Variants in AMN observed in about 807,000 individuals in gnomAD.
The protein encoded by AMN is protein amnionless.
A neutral mutation model predicts 49.1 loss-of-function variants in AMN; 40 were observed. The ratio of observed to expected loss-of-function variants is 0.81; its 90% CI spans 0.63 to 1.06. The LOEUF (loss-of-function observed/expected upper bound fraction) is 1.06, where lower values mean the gene tolerates loss of function less well. Ranked by LOEUF, AMN falls within the 50% of genes least tolerant of loss-of-function variation. The probability of loss-of-function intolerance (pLI) is 0.00; values close to 1 mark genes in which losing one functional copy is unlikely to be tolerated. For missense variants in AMN, 701 were observed against 662.8 expected (o/e 1.06, Z -0.63); for synonymous variants, 380 against 313.3 (o/e 1.21, Z -2.25).
In AMN at chr14:102,928,619, G is replaced by A. The variant is rs1203946641; in HGVS notation, c.295+106G>A. The A allele has an allele frequency of 1.3e-5, 20 of 1,493,206 alleles. No homozygotes were observed. In the Middle Eastern group the frequency reaches 7.3e-4, roughly 55 times the overall value. The allele number at this position is 1,493,206 out of a possible 1,614,324, so 92.5% of individuals were successfully genotyped here. A position where few individuals can be genotyped will look rare whatever the true frequency, so the allele number is the denominator to read the frequency against. On this transcript the variant is annotated intron_variant, in intron 4 of 11. Transcript: ENST00000299155. Reference sequence around the variant, plus strand: ...CGAGGACCGGAGGGAGGGCGCCTCCGGGGGCGTGGTTTAGGGAGTGGCGGA... The same window carrying A: ...CGAGGACCGGAGGGAGGGCGCCTCCAGGGGCGTGGTTTAGGGAGTGGCGGA...
Position 102,928,611 on chromosome 14 carries a change from G to A in AMN, c.295+98G>A, listed in dbSNP as rs1039576265. ...GAGGGGGGCGAGGACCGGAGGGAGG[G>A]CGCCTCCGGGGGCGTGGTTTAGGGA... On this transcript the variant is annotated intron_variant, in intron 4 of 11. Coordinates refer to ENST00000299155, the MANE Select transcript of AMN (RefSeq NM_030943.4). 1.5e-4 allele frequency: 229 copies of A among 1,490,698 alleles called. No homozygotes were observed. The African/African-American group carries it at 3.0e-3, about 20-fold the overall frequency. The allele number at this position is 1,490,698 out of a possible 1,614,324, so 92.3% of individuals were successfully genotyped here.
chr14:102,929,033 C>T (rs1566828158), intron 5 of AMN, 58 bp downstream of exon 5: 1 of 1,594,932 alleles, frequency 6.3e-7, no homozygotes, highest in Non-Finnish European at 8.5e-7. Flanking sequence ...CCCGACCCCG[C>T]CCCTCCTGGT....
rs780432490 is a variant in AMN at position 102,930,671 on chromosome 14, C to G, written c.1353C>G (p.Ala451=). ...ACCCTCTGTTCGCCGGGGCCGAGGC[C>G]GAGGCCTGAGCGGCCGCCTGACCGT... ...FVNPLFAGAE[A]EA The change falls in exon 12 of 12, where the codon GCC becomes GCG. Residue 451 remains alanine, a synonymous_variant. Transcript: ENST00000299155. 1 of 1,589,184 alleles carries G rather than the reference C, an allele frequency of 6.3e-7. No individual in the cohort carries two copies. The highest frequency in any genetic ancestry group is 1.3e-5 in the African/African-American group (1 of 74,376).
chr14:102,930,127 C>A, intron 9 of AMN, 38 bp from the exon 10 acceptor site: 2 of 1,501,932 alleles, frequency 1.3e-6, no homozygotes, highest in East Asian at 2.6e-5. Flanking sequence ...GCGCCTCGCC[C>A]CGCCGCGGGG....
Position 102,928,474 on chromosome 14 carries a change from G to T in AMN, c.256G>T (p.Gly86Cys). The T allele has an allele frequency of 6.2e-7, 1 of 1,609,808 alleles. No homozygotes were observed. Among genetic ancestry groups the T allele is most frequent in the African/African-American group, 1.3e-5 (1 of 75,008 alleles). Residue 86 changes from glycine (G) to cysteine (C), a missense_variant, in exon 4 of 12, where the codon GGC becomes TGC. Gly to Cys is a radical substitution (Grantham distance 159). Transcript: ENST00000299155. ...ELVLASGAGFGVSDVGSHLDC... is the reference protein window; with the variant it reads ...ELVLASGAGFCVSDVGSHLDC... ...CGTCCTGGCTTCAGGAGCCGGATTC[G>T]GCGTCTCAGACGTGGGCTCGCACCT...
chr14:102,930,262 C>T lies in AMN; in HGVS notation c.1104C>T (p.Ala368=). ...GGCTGGCGGGCGGCGTGGCGGCTGC[C>T]GTGCTGCTGGCGCTGCTGGTCCTGC... The part of the protein sequence containing the change: ...AAGLAGGVAA[A]VLLALLVLLV... Residue 368 remains alanine (A), a synonymous_variant, in exon 10 of 12, where the codon GCC becomes GCT. Transcript: ENST00000299155. The T allele has an allele frequency of 1.4e-6, 2 of 1,381,358 alleles. No homozygotes were observed. Among genetic ancestry groups the T allele is most frequent in the East Asian group, 3.2e-5 (1 of 31,680 alleles). 85.6% of individuals were successfully genotyped at this position (1,381,358 alleles called of 1,614,324 possible).
intron 9 of AMN, 21 bp downstream of exon 9, chr14:102,930,107 C>CCGCCCCGCCGCGCCT: frequency 5.3e-6 from 8 of 1,512,936 alleles, no homozygotes; most frequent in Middle Eastern, 2.3e-4. Context: ...CCGCCCCATC[C>CCGCCCCGCCGCGCCT]CGCCCCGCCG....
At chr14:102,926,170 G>A (rs765476082) in intron 3 of AMN, among the ~76,000 whole-genome samples, 14 of 152,164 alleles carry the variant, frequency 9.2e-5, no homozygotes, top group South Asian at 8.3e-4. Flanking sequence ...AATGCAAAAC[G>A]CCTTACCTTA....
At chr14:102,922,879 G>T (rs1429457183) in intron 1 of AMN, 148 bp downstream of exon 1, 1 of 1,135,876 alleles carries the variant, frequency 8.8e-7, no homozygotes, top group Non-Finnish European at 1.2e-6. Flanking sequence ...ACTCGGCCCT[G>T]CCTCCCTCGT....
At chr14:102,924,019 C>CA (rs755514962) in intron 3 of AMN, 40 bp downstream of exon 3, 1 of 1,613,094 alleles carries the variant, frequency 6.2e-7, no homozygotes, top group Non-Finnish European at 8.5e-7. Flanking sequence ...TGGGGGTTCA[C>CA]AGAGTCTCTG....
Position 102,929,258 on chromosome 14 carries a change from G to A in AMN, c.651G>A (p.Glu217=), listed in dbSNP as rs1368109436. 2 of 1,476,448 alleles carry A rather than the reference G, an allele frequency of 1.4e-6. No homozygotes were observed. Among genetic ancestry groups the A allele is most frequent in the South Asian group, 2.7e-5 (2 of 73,302 alleles). 91.5% of individuals were successfully genotyped at this position (1,476,448 alleles called of 1,614,324 possible). A position where few individuals can be genotyped will look rare whatever the true frequency, so the allele number is the denominator to read the frequency against. Residue 217 remains glutamate (E), a splice_region_variant and synonymous_variant, in exon 6 of 12, where the codon GAG becomes GAA. Transcript: ENST00000299155. ...CGGGCTGCGTCTGCGGCAACGCGGAGGTGAGCGAGGCCGCAGTGGAGTCGC... is the reference window on the plus strand; with the variant it reads ...CGGGCTGCGTCTGCGGCAACGCGGAAGTGAGCGAGGCCGCAGTGGAGTCGC... ...DPSGCVCGNA[E]AQPWICAALL...
chr14:102,930,550 C>T lies in AMN; in HGVS notation c.1258-26C>T, dbSNP rs1270731280. The stretch of plus-strand genomic sequence containing the variant: ...CTCGGGGCCGGGACTCGGCGCCGAC[C>T]GCCGCCTGACCCTGTCACCCCGCAG... On this transcript the variant is annotated intron_variant, in intron 11 of 11. Transcript: ENST00000299155. The T allele has an allele frequency of 6.4e-5, 100 of 1,551,794 alleles. No homozygotes were observed. In the Admixed American group the frequency reaches 1.7e-3, roughly 26 times the overall value.
rs1328576875 is a variant in AMN, at chr14:102,930,027, C to T, written c.947C>T (p.Pro316Leu). The T allele has an allele frequency of 1.3e-6, 2 of 1,553,904 alleles. No individual in the cohort carries two copies. The highest frequency in any genetic ancestry group is 1.2e-5 in the South Asian group (1 of 84,228). Reference sequence around the variant, plus strand: ...CAGGTGGTGCTGGTGGAGAATGGGCCCGAGACAGGCGGAGCGGGGCGGCTG... The same window carrying T: ...CAGGTGGTGCTGGTGGAGAATGGGCTCGAGACAGGCGGAGCGGGGCGGCTG... ...EIQVVLVENG[P>L]ETGGAGRLAR... Residue 316 changes from proline to leucine, a missense_variant, in exon 9 of 12, where the codon CCC becomes CTC. Transcript: ENST00000299155.
intron 1 of AMN, 133 bp from the exon 2 acceptor site, chr14:102,923,578 G>C: frequency 1.2e-6 from 1 of 862,302 alleles, no homozygotes; most frequent in Non-Finnish European, 1.9e-6. Context: ...CTGGGTCCGG[G>C]CCCCCGGGGA....
chr14:102,930,545 C>T (rs1269272174), intron 11 of AMN, 31 bp from the exon 12 acceptor site: 3 of 1,548,836 alleles, frequency 1.9e-6, no homozygotes, highest in Non-Finnish European at 2.6e-6. Flanking sequence ...GGACTCGGCG[C>T]CGACCGCCGC....
intron 3 of AMN, 119 bp downstream of exon 3, chr14:102,924,098 A>T (rs1891134148): frequency 7.0e-7 from 1 of 1,434,234 alleles, no homozygotes; most frequent in Non-Finnish European, 9.7e-7. Flanking sequence ...CAGGACTGGG[A>T]CTTTGGCCTC....
Position 102,930,688 on chromosome 14 carries a change from C to T in AMN, c.*8C>T, listed in dbSNP as rs573971026. On this transcript the variant is annotated 3_prime_UTR_variant, in exon 12 of 12. Coordinates refer to ENST00000299155, the MANE Select transcript of AMN (RefSeq NM_030943.4). ...GCCGAGGCCGAGGCCTGAGCGGCCG[C>T]CTGACCGTCGACCTTGGGGCTCTCC... The T allele has an allele frequency of 8.3e-6, 13 of 1,572,502 alleles. No individual in the cohort carries two copies. The South Asian group carries it at 9.3e-5, about 11-fold the overall frequency.
Position 102,923,931 on chromosome 14 carries a change from G to A in AMN, c.163-4G>A, listed in dbSNP as rs781248844. 7 of 1,613,078 alleles carry A rather than the reference G, an allele frequency of 4.3e-6. No homozygotes were observed. Among genetic ancestry groups the A allele is most frequent in the Non-Finnish European group, 5.9e-6 (7 of 1,180,032 alleles). On this transcript the variant is annotated splice_region_variant and splice_polypyrimidine_tract_variant and intron_variant, in intron 2 of 11. Transcript: ENST00000299155. ...GGCTCGGCTGAGGCAGCTTCTTCCT[G>A]CAGATGGTGTCAGTCCTGGTGCAAG...
chr14:102,930,622 G>C lies in AMN; in HGVS notation c.1304G>C (p.Ser435Thr). 1 of 1,594,006 alleles carries C rather than the reference G, an allele frequency of 6.3e-7. No individual in the cohort carries two copies. The highest frequency in any genetic ancestry group is 1.1e-5 in the South Asian group (1 of 88,430). Residue 435 changes from serine to threonine, a missense_variant, in exon 12 of 12, where the codon AGC (serine) becomes ACC (threonine). Ser to Thr is a moderately conservative substitution (Grantham distance 58, BLOSUM62 1). Transcript: ENST00000299155. ...LSLVPKAAAD[S>T]TSHSYFVNPL... ...CTGGTTCCGAAGGCGGCCGCAGACA[G>C]CACCAGCCACAGTTACTTCGTCAAC...
Sources: gnomAD v4.1 joint callset for allele counts (sites outside exome capture counted in the v4.1 genomes callset) on GRCh38, gnomAD v4.1.1 for gene constraint, MANE v1.5 for transcripts, NCBI Gene and HGNC (gene_info 2026-07-23, HGNC 2026-07-21) for gene names.